Variants in MAPT observed in about 807,000 individuals in gnomAD.
The protein encoded by MAPT is microtubule associated protein tau, also known as microtubule-associated protein tau.
In MAPT, 34 loss-of-function variants were observed where a neutral mutation model predicts 67.9. The observed-to-expected ratio is 0.50, with a 90% CI of 0.38 to 0.67. The LOEUF is 0.67. MAPT is among the 30% of genes least tolerant of loss of function. MAPT has a pLI of 0.00. For missense variants in MAPT, 881 were observed against 1,115.2 expected, an observed-to-expected ratio of 0.79 and a Z score of 2.99; for synonymous variants, 456 against 464.5, an observed-to-expected ratio of 0.98 and a Z score of 0.23.
intron 1 of MAPT, among the ~76,000 whole-genome samples, chr17:45,913,527 G>T (rs2064948036): frequency 6.6e-6 from 1 of 152,166 alleles, no homozygotes; most frequent in Non-Finnish European, 1.5e-5. Context: ...GAATTTCACA[G>T]ACCATCAGGC....
At chr17:45,922,486 AACACACACACAC>A (rs59017604) in intron 1 of MAPT, among the ~76,000 whole-genome samples, 39 of 146,574 alleles carry the variant, frequency 2.7e-4, no homozygotes, top group Non-Finnish European at 5.0e-4. Context: ...CTAGCTAGAG[AACACACACACAC>A]ACACACACAC....
At chr17:45,944,324 C>T (rs2068261338) in intron 1 of MAPT, among the ~76,000 whole-genome samples, 7 of 152,194 alleles carry the variant, frequency 4.6e-5, no homozygotes, top group Admixed American at 4.6e-4. Flanking sequence ...GGGAGCTGAG[C>T]CGAGAACAGG....
chr17:45,909,263 C>G (rs2064570378), intron 1 of MAPT, among the ~76,000 whole-genome samples: 1 of 152,156 alleles, frequency 6.6e-6, no homozygotes, highest in South Asian at 2.1e-4. Flanking sequence ...AGATCGACAC[C>G]TGGACCCCAT....
intron 9 of MAPT, among the ~76,000 whole-genome samples, chr17:46,005,394 T>A (rs1024976209): frequency 6.6e-6 from 1 of 152,188 alleles, no homozygotes; most frequent in Non-Finnish European, 1.5e-5. Flanking sequence ...TTTCTAATTC[T>A]AAGCTGTTCC....
rs986802606 is a variant in MAPT at position 46,010,894 on chromosome 17, T to G, written c.2091+492T>G. Among the ~76,000 whole-genome samples, 4 of 152,240 alleles carry G rather than the reference T, an allele frequency of 2.6e-5. No homozygotes were observed. Among genetic ancestry groups the G allele is most frequent in the African/African-American group, 9.6e-5 (4 of 41,464 alleles). On this transcript the variant is annotated intron_variant, in intron 10 of 12. Transcript: ENST00000262410. The surrounding 1 kb of genome is among the most constrained non-coding windows in gnomAD (Gnocchi z 4.7). ...TGGACAGGTGACCCGTTTGTTCTGATGAGCGGACACCAAGGTCTTACTGTC... is the reference window on the plus strand; with the variant it reads ...TGGACAGGTGACCCGTTTGTTCTGAGGAGCGGACACCAAGGTCTTACTGTC...
intron 11 of MAPT, among the ~76,000 whole-genome samples, chr17:46,017,755 G>A (rs929280939): frequency 3.9e-4 from 58 of 148,636 alleles, no homozygotes; most frequent in Admixed American, 6.7e-5. Flanking sequence ...CACCACGCCC[G>A]GCCTGAAAGG....
Position 46,010,662 on chromosome 17 carries a change from C to T in MAPT, c.2091+260C>T, listed in dbSNP as rs1266820735. On this transcript the variant is annotated intron_variant, in intron 10 of 12. Transcript: ENST00000262410. This position sits in a 1 kb window ranked among gnomAD's most constrained non-coding sequence, Gnocchi z 4.7. ...CCCCAGCCTGCGCAGGCTGTGTGGACAGAATAGGGCAGATGACGGACCCTC... is the reference window on the plus strand; with the variant it reads ...CCCCAGCCTGCGCAGGCTGTGTGGATAGAATAGGGCAGATGACGGACCCTC... 1.3e-5 allele frequency among the ~76,000 whole-genome samples: 2 copies of T among 152,132 alleles called. No individual in the cohort carries two copies. The highest frequency in any genetic ancestry group is 2.9e-5 in the Non-Finnish European group (2 of 68,028).
intron 11 of MAPT, among the ~76,000 whole-genome samples, chr17:46,017,587 G>C (rs2076270541): frequency 6.7e-6 from 1 of 149,976 alleles, no homozygotes; most frequent in African/African-American, 2.5e-5. Flanking sequence ...CCAAGTAGCT[G>C]GGATTACAGG....
At position 45,983,093 on chromosome 17, in the gene MAPT, C is replaced by T. The variant is rs2073140987; in HGVS notation, c.514C>T (p.Leu172=). The part of the protein sequence containing the change: ...PPTGGPQEPS[L]EWGQKGGDWA... ...AACAGGAGGCCCTCAGGAGCCCTCC[C>T]TGGAGTGGGGACAAAAAGGCGGGGA... The change falls in exon 5 of 13, where the codon CTG becomes TTG. Residue 172 remains leucine, a synonymous_variant. Coordinates refer to ENST00000262410, the MANE Select transcript of MAPT (RefSeq NM_001377265.1). 2.6e-6 allele frequency: 4 copies of T among 1,550,518 alleles called. No homozygotes were observed. Among genetic ancestry groups the T allele is most frequent in the Non-Finnish European group, 3.5e-6 (4 of 1,145,696 alleles).
chr17:45,920,522 A>G (rs1374209861), intron 1 of MAPT, among the ~76,000 whole-genome samples: 2 of 152,160 alleles, frequency 1.3e-5, no homozygotes, highest in Non-Finnish European at 2.9e-5. Flanking sequence ...TGCTGCCTCA[A>G]GGGGTCTCCT....
chr17:45,983,053 C>A lies in MAPT; in HGVS notation c.474C>A (p.Cys158Ter). 3 of 1,523,930 alleles carry A rather than the reference C, an allele frequency of 2.0e-6. No individual in the cohort carries two copies. The highest frequency in any genetic ancestry group is 2.7e-6 in the Non-Finnish European group (3 of 1,131,656). The allele number at this position is 1,523,930 out of a possible 1,614,324, so 94.4% of individuals were successfully genotyped here. A position where few individuals can be genotyped will look rare whatever the true frequency, so the allele number is the denominator to read the frequency against. The change falls in exon 5 of 13, where the codon TGC becomes TGA. Residue 158 changes from cysteine (C) to a stop codon, truncating the protein, a stop_gained. Transcript: ENST00000262410. LOFTEE classifies it high-confidence loss of function. The part of the protein sequence containing the change: ...TASLPQHRPV[C>*]PAPPPTGGPQ... ...GCCTTCCTCAGCACCGTCCCGTTTG[C>A]CCAGCGCCTCCTCCAACAGGAGGCC...
intron 12 of MAPT, among the ~76,000 whole-genome samples, chr17:46,022,442 T>G (rs940889790): frequency 5.4e-5 from 8 of 149,202 alleles, no homozygotes; most frequent in Admixed American, 3.3e-4. Context: ...ATGAACAAAA[T>G]ATGCATCTAG....
chr17:45,993,675 A>G (rs2074249347), intron 8 of MAPT, among the ~76,000 whole-genome samples: 1 of 152,142 alleles, frequency 6.6e-6, no homozygotes, highest in Non-Finnish European at 1.5e-5. Flanking sequence ...CGGCCTCCCA[A>G]AGTGCTGGGA....
chr17:45,925,015 G>A (rs1022921374), intron 1 of MAPT, among the ~76,000 whole-genome samples: 7 of 152,130 alleles, frequency 4.6e-5, no homozygotes, highest in South Asian at 2.1e-4. Flanking sequence ...AAAACTCGCC[G>A]AATTAAAGCA....
At position 46,028,157 on chromosome 17, in the gene MAPT, T is replaced by G. The variant is rs1474249581; in HGVS notation, c.*3986T>G. 1 of 126,814 alleles carries G rather than the reference T, an allele frequency of 7.9e-6. No individual in the cohort carries two copies. Among genetic ancestry groups the G allele is most frequent in the Non-Finnish European group, 1.6e-5 (1 of 62,866 alleles). 7.9% of individuals were successfully genotyped at this position (126,814 alleles called of 1,614,324 possible). ...TGTTGAGCAGGACTATTTCTGGCACTTGCAAGTCCCATGATTTCTTCGGTA... is the reference window on the plus strand; with the variant it reads ...TGTTGAGCAGGACTATTTCTGGCACGTGCAAGTCCCATGATTTCTTCGGTA... On this transcript the variant is annotated 3_prime_UTR_variant, in exon 13 of 13. Coordinates refer to ENST00000262410, the MANE Select transcript of MAPT (RefSeq NM_001377265.1).
intron 1 of MAPT, chr17:45,932,099 AAAAG>A (rs1404849855): frequency 5.9e-5 from 9 of 152,066 alleles, no homozygotes; most frequent in African/African-American, 1.2e-4. Context: ...AGAAAAAAAA[AAAAG>A]AAACACAAAA....
intron 1 of MAPT, among the ~76,000 whole-genome samples, chr17:45,949,757 G>A (rs1172608938): frequency 6.6e-6 from 1 of 152,138 alleles, no homozygotes; most frequent in Non-Finnish European, 1.5e-5. Context: ...GAGCTTTCTA[G>A]AACCTGAGTT....
At chr17:45,993,821 G>A in intron 8 of MAPT, 2 of 1,226,418 alleles carry the variant, frequency 1.6e-6, no homozygotes, top group South Asian at 1.3e-5. Context: ...TTCAGAATGG[G>A]GCCCCTGCTG....
At chr17:45,926,657 A>G (rs919654379) in intron 1 of MAPT, among the ~76,000 whole-genome samples, 18 of 152,172 alleles carry the variant, frequency 1.2e-4, no homozygotes, top group African/African-American at 4.1e-4. Context: ...GGACAATTAG[A>G]GAAATTCACA....
Sources: allele counts gnomAD v4.1 joint callset (sites outside exome capture counted in the v4.1 genomes callset), GRCh38; gene constraint gnomAD v4.1.1; non-coding constraint Gnocchi (gnomAD v3.1); transcripts MANE v1.5; gene names NCBI Gene and HGNC (gene_info 2026-07-23, HGNC 2026-07-21).